The following CUL1 variants were observed in gnomAD, a reference collection of about 807,000 sequenced individuals.
The protein encoded by CUL1 is cullin-1.
In CUL1, 24 loss-of-function variants were observed where a neutral mutation model predicts 118.0. That is an observed-to-expected ratio of 0.20 (90% confidence interval 0.15 to 0.29). The LOEUF is 0.29. Among genes scored for constraint, CUL1 ranks in the 10% least tolerant of loss-of-function variants. CUL1 has a pLI of 1.00. For missense variants in CUL1, 361 were observed against 933.8 expected (o/e 0.39, Z 7.99); for synonymous variants, 332 against 340.4 (o/e 0.98, Z 0.27).
At chr7:148,754,480 T>C (rs1008171299) in intron 3 of CUL1, among the ~76,000 whole-genome samples, 15 of 152,220 alleles carry the variant, frequency 9.9e-5, no homozygotes, top group Non-Finnish European at 2.2e-4. Context: ...CAGCTCTTTC[T>C]GTTTTTTAAA....
At chr7:148,740,545 G>A (rs887596039) in intron 2 of CUL1, among the ~76,000 whole-genome samples, 2 of 152,056 alleles carry the variant, frequency 1.3e-5, no homozygotes, top group East Asian at 3.8e-4. Context: ...TTCTACTAAT[G>A]TACTTTGTCT....
chr7:148,716,179 T>TA (rs1179253796), intron 1 of CUL1, among the ~76,000 whole-genome samples: 1 of 152,162 alleles, frequency 6.6e-6, no homozygotes, highest in Non-Finnish European at 1.5e-5. Context: ...TTTTTAATCA[T>TA]AAAAAATGTC....
chr7:148,698,036 A>G (rs1289042644), upstream of CUL1: 1 of 152,232 alleles, frequency 6.6e-6, no homozygotes, highest in Non-Finnish European at 1.5e-5. Flanking sequence ...GAGTTACTGA[A>G]AGTCTGAAGG....
intron 7 of CUL1, among the ~76,000 whole-genome samples, chr7:148,762,775 T>C (rs1799875320): frequency 6.6e-6 from 1 of 152,226 alleles, no homozygotes; most frequent in Non-Finnish European, 1.5e-5. Context: ...GATGAAGTAG[T>C]AGTGCTCTAG....
intron 17 of CUL1, among the ~76,000 whole-genome samples, chr7:148,796,470 T>C (rs1375044626): frequency 1.3e-5 from 2 of 152,242 alleles, no homozygotes; most frequent in Non-Finnish European, 2.9e-5. Flanking sequence ...CCTGGCCTTA[T>C]GGACTGAGTT....
At chr7:148,759,145 TAG>T (rs1563161150) in intron 4 of CUL1, among the ~76,000 whole-genome samples, 157 bp from the exon 5 acceptor site, 1 of 152,250 alleles carries the variant, frequency 6.6e-6, no homozygotes, top group Non-Finnish European at 1.5e-5. Flanking sequence ...TTGTTGACTC[TAG>T]AGAGTGGCTT....
chr7:148,701,515 T>C (rs950746765), intron 1 of CUL1, among the ~76,000 whole-genome samples: 1 of 152,246 alleles, frequency 6.6e-6, no homozygotes, highest in Admixed American at 6.5e-5. Flanking sequence ...TTTTTGTGTT[T>C]GGTGTTTTTT....
chr7:148,759,676 A>G, intron 6 of CUL1, 38 bp downstream of exon 6: 1 of 1,159,758 alleles, frequency 8.6e-7, no homozygotes, highest in Non-Finnish European at 1.2e-6. Flanking sequence ...AAGTTTTCAC[A>G]TCAAATGGCA....
intron 1 of CUL1, among the ~76,000 whole-genome samples, chr7:148,702,495 A>G (rs996140176): frequency 2.0e-5 from 3 of 152,250 alleles, no homozygotes; most frequent in Admixed American, 6.5e-5. Context: ...GATTTTGGAA[A>G]AACGGTCTTA....
intron 5 of CUL1, 76 bp downstream of exon 5, chr7:148,759,430 C>T: frequency 6.6e-7 from 1 of 1,515,432 alleles, no homozygotes; most frequent in South Asian, 1.1e-5. Context: ...TTTGTCTCGT[C>T]ACTCCTTCGG....
intron 1 of CUL1, among the ~76,000 whole-genome samples, chr7:148,711,006 T>A (rs1798034464): frequency 6.6e-6 from 1 of 152,148 alleles, no homozygotes; most frequent in Non-Finnish European, 1.5e-5. Context: ...CCAGATTGTT[T>A]TGAGACAGAG....
chr7:148,785,150 AT>A (rs971673999), intron 11 of CUL1, among the ~76,000 whole-genome samples: 5 of 151,368 alleles, frequency 3.3e-5, no homozygotes, highest in Non-Finnish European at 7.4e-5. Context: ...TGAGTGTTTG[AT>A]TTTTTTTTCC....
At chr7:148,711,685 A>C (rs143843332) in intron 1 of CUL1, among the ~76,000 whole-genome samples, 1 of 152,302 alleles carries the variant, frequency 6.6e-6, no homozygotes, top group East Asian at 1.9e-4. Context: ...AAAGAAAAAT[A>C]ATAGAAAGGG....
At chr7:148,730,308 T>C in intron 2 of CUL1, 46 bp downstream of exon 2, 2 of 1,551,570 alleles carry the variant, frequency 1.3e-6, no homozygotes, top group Middle Eastern at 1.7e-4. Flanking sequence ...GTTTTGATTA[T>C]TTACTAGTAT....
At chr7:148,726,699 T>A (rs1195346923) in intron 1 of CUL1, among the ~76,000 whole-genome samples, 1 of 152,174 alleles carries the variant, frequency 6.6e-6, no homozygotes, top group Admixed American at 6.5e-5. Context: ...TTTCTTCATC[T>A]GAAGAGGAAG....
intron 9 of CUL1, among the ~76,000 whole-genome samples, chr7:148,776,954 A>C (rs991364683): frequency 6.6e-6 from 1 of 152,216 alleles, no homozygotes; most frequent in African/African-American, 2.4e-5. Context: ...CATTCTCTTC[A>C]GAGAAGTCAG....
upstream of CUL1, chr7:148,698,233 C>A (rs1025118979): frequency 3.3e-5 from 5 of 152,258 alleles, no homozygotes; most frequent in Admixed American, 1.3e-4. Flanking sequence ...GGGGTGCAAC[C>A]CCCAGTCCCT....
intron 1 of CUL1, among the ~76,000 whole-genome samples, chr7:148,703,464 T>C (rs1422617022): frequency 6.6e-6 from 1 of 152,206 alleles, no homozygotes; most frequent in Non-Finnish European, 1.5e-5. Flanking sequence ...AAATAGATTG[T>C]ATGAAATGGG....
intron 9 of CUL1, among the ~76,000 whole-genome samples, chr7:148,778,970 C>T (rs1269067204): frequency 6.6e-6 from 1 of 152,126 alleles, no homozygotes; most frequent in African/African-American, 2.4e-5. Context: ...AGGAAGTGTT[C>T]GAGTGTTAAA....
Sources: allele counts gnomAD v4.1 joint callset (sites outside exome capture counted in the v4.1 genomes callset), GRCh38; gene constraint gnomAD v4.1.1; transcripts MANE v1.5; gene names NCBI Gene and HGNC (gene_info 2026-07-23, HGNC 2026-07-21).